Variants in ZC3HAV1 observed in about 807,000 individuals in gnomAD.
ZC3HAV1 encodes zinc finger CCCH-type antiviral protein 1.
A neutral mutation model predicts 86.6 loss-of-function variants in ZC3HAV1; 41 were observed. That is an observed-to-expected ratio of 0.47 (90% CI 0.37 to 0.61). The LOEUF (loss-of-function observed/expected upper bound fraction) is 0.61. ZC3HAV1 is among the 20% of genes least tolerant of loss of function. The pLI, the probability that ZC3HAV1 is intolerant of heterozygous loss-of-function variation, is 0.00. For synonymous variants in ZC3HAV1, 421 were observed against 432.1 expected, an observed-to-expected ratio of 0.97 and a Z score of 0.32; for missense variants, 964 against 1,141.1, an observed-to-expected ratio of 0.84 and a Z score of 2.24.
At chr7:139,084,130 A>C in intron 2 of ZC3HAV1, 98 bp from the exon 3 acceptor site, 1 of 1,481,294 alleles carries the variant, frequency 6.8e-7, no homozygotes, top group Non-Finnish European at 9.1e-7. Flanking sequence ...TCTCTGAAGC[A>C]AGCAGAGATA....
chr7:139,096,037 G>A (rs553370355), intron 1 of ZC3HAV1, among the ~76,000 whole-genome samples: 7 of 152,148 alleles, frequency 4.6e-5, no homozygotes, highest in Admixed American at 3.3e-4. Context: ...TTTTTGAGAC[G>A]GAGTTCCAGT....
intron 9 of ZC3HAV1, among the ~76,000 whole-genome samples, chr7:139,059,961 T>C (rs983942018): frequency 6.6e-6 from 1 of 152,152 alleles, no homozygotes; most frequent in East Asian, 1.9e-4. Context: ...GAGTGATTCA[T>C]TTGTCCAAAT....
intron 2 of ZC3HAV1, 29 bp from the exon 3 acceptor site, chr7:139,084,061 T>G (rs1817208685): frequency 1.2e-6 from 2 of 1,601,642 alleles, no homozygotes; most frequent in South Asian, 2.2e-5. Flanking sequence ...ACAGCCAGAG[T>G]CAAAACACCT....
chr7:139,070,968 G>A (rs1261704512), intron 7 of ZC3HAV1, among the ~76,000 whole-genome samples: 1 of 150,900 alleles, frequency 6.6e-6, no homozygotes, highest in Non-Finnish European at 1.5e-5. Context: ...GGTAACAAGA[G>A]CAAAACTCTG....
At chr7:139,083,702 G>A in intron 3 of ZC3HAV1, 78 bp downstream of exon 3, 1 of 1,481,938 alleles carries the variant, frequency 6.7e-7, no homozygotes, top group South Asian at 1.4e-5. Flanking sequence ...ACTCCAGCTT[G>A]GGTGACAGAG....
At chr7:139,074,629 T>C (rs1288841306) in intron 6 of ZC3HAV1, among the ~76,000 whole-genome samples, 2 of 151,560 alleles carry the variant, frequency 1.3e-5, no homozygotes, top group African/African-American at 4.8e-5. Flanking sequence ...TTTTTTGTTT[T>C]GGAAAACAGT....
intron 9 of ZC3HAV1, among the ~76,000 whole-genome samples, chr7:139,058,442 C>T (rs1181298576): frequency 3.0e-4 from 1 of 3,344 alleles, no homozygotes. Context: ...AACCCCCAAC[C>T]CCCCCCCCCC....
At chr7:139,094,722 G>C (rs1434463146) in intron 1 of ZC3HAV1, among the ~76,000 whole-genome samples, 1 of 152,166 alleles carries the variant, frequency 6.6e-6, no homozygotes, top group Non-Finnish European at 1.5e-5. Flanking sequence ...TACACATAAT[G>C]ATCAACTGGG....
chr7:139,076,666 C>G (rs1406323549), intron 5 of ZC3HAV1, among the ~76,000 whole-genome samples: 1 of 152,078 alleles, frequency 6.6e-6, no homozygotes, highest in Admixed American at 6.6e-5. Flanking sequence ...CCGAAACAGG[C>G]GGATCATTTG....
Position 139,094,497 on chromosome 7 carries a change from TA to T in ZC3HAV1, c.309-4739del, listed in dbSNP as rs34388465. Among the ~76,000 whole-genome samples the T allele has an allele frequency of 7.2e-3, 935 of 129,444 alleles. 4 individuals are homozygous for T. Among genetic ancestry groups the T allele is most frequent in the Middle Eastern group, 0.016 (4 of 252 alleles). The allele number at this position is 129,444 out of a possible 152,430, so 84.9% of individuals were successfully genotyped here. A position where few individuals can be genotyped will look rare whatever the true frequency, so the allele number is the denominator to read the frequency against. On this transcript the variant is annotated intron_variant, in intron 1 of 12. Coordinates refer to ENST00000242351, the MANE Select transcript of ZC3HAV1 (RefSeq NM_020119.4). Reference sequence around the variant, plus strand: ...CGAGTTGCAGTAGGAGGTGATAACTTAAAAAAAAAAAAAAAAACAGCAAAGA... The same window carrying T: ...CGAGTTGCAGTAGGAGGTGATAACTTAAAAAAAAAAAAAAAACAGCAAAGA...
chr7:139,109,423 G>A lies in ZC3HAV1; in HGVS notation c.-92C>T. ...CTTACAAGTGTCCAGGGGCGGGCGCGGGCGGTGCTACTGCTGGGCGCGCCC... is the reference window on the plus strand; with the variant it reads ...CTTACAAGTGTCCAGGGGCGGGCGCAGGCGGTGCTACTGCTGGGCGCGCCC... On this transcript the variant is annotated 5_prime_UTR_variant, in exon 1 of 13. Coordinates refer to ENST00000242351, the MANE Select transcript of ZC3HAV1 (RefSeq NM_020119.4). The A allele has an allele frequency of 3.5e-6, 5 of 1,420,364 alleles. No homozygotes were observed. Among genetic ancestry groups the A allele is most frequent in the South Asian group, 3.0e-5 (2 of 67,138 alleles). 88.0% of individuals were successfully genotyped at this position (1,420,364 alleles called of 1,614,324 possible). A position where few individuals can be genotyped will look rare whatever the true frequency, so the allele number is the denominator to read the frequency against.
chr7:139,049,919 G>A (rs1183032198), intron 12 of ZC3HAV1: 1 of 154,716 alleles, frequency 6.5e-6, no homozygotes, highest in Non-Finnish European at 1.4e-5. Flanking sequence ...GCAGTTTCAT[G>A]GGTGTCCTTA....
At chr7:139,069,098 T>C (rs965945030) in intron 7 of ZC3HAV1, among the ~76,000 whole-genome samples, 1 of 152,234 alleles carries the variant, frequency 6.6e-6, no homozygotes, top group African/African-American at 2.4e-5. Flanking sequence ...TGTGCTGAGC[T>C]GGCCCCAGTT....
intron 7 of ZC3HAV1, among the ~76,000 whole-genome samples, chr7:139,070,656 T>C (rs1584851423): frequency 9.7e-6 from 1 of 103,118 alleles, no homozygotes; most frequent in African/African-American, 4.5e-5. Flanking sequence ...AGAGCGAGAC[T>C]CCGTCTCAAA....
chr7:139,108,939 C>G lies in ZC3HAV1; in HGVS notation c.308+85G>C, dbSNP rs1249892412. The G allele has an allele frequency of 2.1e-6, 3 of 1,441,572 alleles. No homozygotes were observed. The highest frequency in any genetic ancestry group is 1.4e-5 in the South Asian group (1 of 69,570). The allele number at this position is 1,441,572 out of a possible 1,614,324, so 89.3% of individuals were successfully genotyped here. ...GTCAGGTGCGGGGTCCCGGCGAAGC[C>G]GTGCCCCTCCCAGAACATTGCCCGC... On this transcript the variant is annotated intron_variant, in intron 1 of 12. Coordinates refer to ENST00000242351, the MANE Select transcript of ZC3HAV1 (RefSeq NM_020119.4). This position sits in a 1 kb window ranked among gnomAD's most constrained non-coding sequence, Gnocchi z 4.2.
chr7:139,064,090 A>G (rs1045399511), intron 8 of ZC3HAV1, among the ~76,000 whole-genome samples: 2 of 152,242 alleles, frequency 1.3e-5, no homozygotes, highest in East Asian at 1.9e-4. Flanking sequence ...GTACTGCCAG[A>G]CTGTTTTTCC....
rs754698519 is a variant in ZC3HAV1 at position 139,109,032 on chromosome 7, C to T, written c.300G>A (p.Gln100=). The T allele has an allele frequency of 3.2e-6, 5 of 1,565,112 alleles. No individual in the cohort carries two copies. The South Asian group carries it at 5.8e-5, about 18-fold the overall frequency. ...CCTCCGGGTGCACTCACCGCTCGGA[C>T]TGCGAATAGTTGCACCGGCCCAGCA... is the stretch of plus-strand genomic sequence containing the variant. ...LNLLGRCNYS[Q]SERNLCKYSH... Residue 100 remains glutamine, a synonymous_variant, in exon 1 of 13, where the codon CAG becomes CAA. Transcript: ENST00000242351.
chr7:139,078,432 T>C (rs1817019768), intron 5 of ZC3HAV1, 120 bp downstream of exon 5: 6 of 726,814 alleles, frequency 8.3e-6, no homozygotes, highest in Non-Finnish European at 1.4e-5. Context: ...CTTCTGGGTA[T>C]ATATCCAAAA....
chr7:139,101,783 C>T (rs1817781144), intron 1 of ZC3HAV1, among the ~76,000 whole-genome samples: 1 of 151,700 alleles, frequency 6.6e-6, no homozygotes, highest in Admixed American at 6.6e-5. Flanking sequence ...GCAAGATGTG[C>T]TTTGTTAAAC....
Sources: allele counts gnomAD v4.1 joint callset (sites outside exome capture counted in the v4.1 genomes callset), GRCh38; gene constraint gnomAD v4.1.1; non-coding constraint Gnocchi (gnomAD v3.1); transcripts MANE v1.5; gene names NCBI Gene and HGNC (gene_info 2026-07-23, HGNC 2026-07-21).